NSF: variants seen among roughly 807,000 people sequenced by gnomAD.
The protein encoded by NSF is vesicle-fusing ATPase.
NSF carries 14 observed loss-of-function variants against 50.3 expected under a neutral mutation model. That is an observed-to-expected ratio of 0.28 (90% CI 0.18 to 0.44). The LOEUF is 0.44. Among genes scored for constraint, NSF ranks in the 20% least tolerant of loss-of-function variants. The pLI, the probability that NSF is intolerant of heterozygous loss-of-function variation, is 1.00. For synonymous variants in NSF, 109 were observed against 175.7 expected (o/e 0.62, Z 3.00); for missense variants, 218 against 504.3 (o/e 0.43, Z 5.44).
At chr17:46,631,066 A>ACACG (rs2058131177) in intron 4 of NSF, among the ~76,000 whole-genome samples, 1 of 143,086 alleles carries the variant, frequency 7.0e-6, no homozygotes, top group Non-Finnish European at 1.5e-5. Context: ...CTCTGTACAC[A>ACACG]CACACACACA....
intron 17 of NSF, among the ~76,000 whole-genome samples, chr17:46,734,915 G>A (rs1035662743): frequency 6.6e-6 from 1 of 152,112 alleles, no homozygotes; most frequent in African/African-American, 2.4e-5. Flanking sequence ...GTCGAATGTG[G>A]TGGTGAGCAT....
intron 13 of NSF, among the ~76,000 whole-genome samples, chr17:46,707,864 T>G (rs2058671752): frequency 6.6e-6 from 1 of 151,934 alleles, no homozygotes; most frequent in Non-Finnish European, 1.5e-5. Flanking sequence ...AAACCCCATC[T>G]CTACTAAAAA....
intron 1 of NSF, among the ~76,000 whole-genome samples, chr17:46,609,541 C>G (rs1204423383): frequency 6.7e-6 from 1 of 149,938 alleles, no homozygotes; most frequent in Non-Finnish European, 1.5e-5. Context: ...GTTTTTGATT[C>G]AATTATTTGT....
intron 17 of NSF, among the ~76,000 whole-genome samples, chr17:46,737,908 ATATTATTATTATTATTATTATTATTAT>A (rs138655503): frequency 3.4e-5 from 5 of 145,906 alleles, no homozygotes; most frequent in Admixed American, 2.8e-4. Flanking sequence ...TAAAATTAGC[ATATTATTATTATTATTATTATTATTAT>A]TATTATTATT....
intron 9 of NSF, among the ~76,000 whole-genome samples, chr17:46,691,839 G>C (rs2058550221): frequency 6.6e-6 from 1 of 151,204 alleles, no homozygotes; most frequent in Non-Finnish European, 1.5e-5. Flanking sequence ...TGCAACCTCT[G>C]CCTCCTGGGT....
intron 15 of NSF, among the ~76,000 whole-genome samples, chr17:46,725,382 G>C (rs1218929331): frequency 1.3e-5 from 2 of 152,112 alleles, no homozygotes; most frequent in Non-Finnish European, 2.9e-5. Flanking sequence ...GGTAATTAGG[G>C]GGTAAAGGGA....
intron 13 of NSF, among the ~76,000 whole-genome samples, chr17:46,708,918 G>T (rs2058689869): frequency 6.8e-6 from 1 of 146,698 alleles, no homozygotes; most frequent in Admixed American, 6.8e-5. Context: ...TCCGCCTCCT[G>T]GGTTCAAGTG....
chr17:46,742,484 A>G (rs1191347056), intron 17 of NSF, among the ~76,000 whole-genome samples: 1 of 152,262 alleles, frequency 6.6e-6, no homozygotes, highest in Non-Finnish European at 1.5e-5. Flanking sequence ...GTCCTGATGA[A>G]GGAGAACTAG....
At chr17:46,662,570 AC>A (rs1198746023) in intron 8 of NSF, among the ~76,000 whole-genome samples, 2 of 114,216 alleles carry the variant, frequency 1.8e-5, no homozygotes, top group East Asian at 4.2e-4. Context: ...ATCTTCTCCT[AC>A]AAGCTCTGGT....
intron 12 of NSF, among the ~76,000 whole-genome samples, chr17:46,695,213 T>C (rs2058584126): frequency 7.5e-6 from 1 of 133,038 alleles, no homozygotes; most frequent in South Asian, 2.7e-4. Context: ...GCCACTGCAC[T>C]CCAGCCTGGG....
In NSF at chr17:46,749,820, T is replaced by C. The variant is rs1408679106; in HGVS notation, c.1956T>C (p.Leu652=). The change falls in exon 18 of 21, where the codon CTT becomes CTC. Residue 652 remains leucine (L), a synonymous_variant. Transcript: ENST00000398238. ...IIGTTSRKDV[L]QEMEMLNAFS... is the part of the protein sequence containing the mutation. ...GGACCACTAGCCGCAAAGATGTCCT[T>C]CAGGAGATGGAAATGCTTAACGCTT... 1 of 1,614,134 alleles carries C rather than the reference T, an allele frequency of 6.2e-7. No homozygotes were observed. The highest frequency in any genetic ancestry group is 8.5e-7 in the Non-Finnish European group (1 of 1,179,994).
chr17:46,746,988 G>C (rs1226156174), intron 17 of NSF, among the ~76,000 whole-genome samples: 1 of 152,168 alleles, frequency 6.6e-6, no homozygotes, highest in African/African-American at 2.4e-5. Context: ...TGGCAACGAG[G>C]CTTTATAGTC....
chr17:46,723,859 G>A lies in NSF; in HGVS notation c.1762-2690G>A, dbSNP rs779500197. Among the ~76,000 whole-genome samples the A allele has an allele frequency of 6.6e-5, 10 of 152,222 alleles. No homozygotes were observed. In the South Asian group the frequency reaches 8.3e-4, roughly 13 times the overall value. ...CTCTAATGCTTTTCTATACAATCAGGAAAATGTTTCTAAAACATAAGCCTG... is the reference window on the plus strand; with the variant it reads ...CTCTAATGCTTTTCTATACAATCAGAAAAATGTTTCTAAAACATAAGCCTG... On this transcript the variant is annotated intron_variant, in intron 15 of 20. Transcript: ENST00000398238.
chr17:46,715,629 G>A (rs2058760810), intron 15 of NSF, among the ~76,000 whole-genome samples: 1 of 152,152 alleles, frequency 6.6e-6, no homozygotes, highest in South Asian at 2.1e-4. Flanking sequence ...TTTTTAAAAA[G>A]TACTTCAGGC....
intron 17 of NSF, among the ~76,000 whole-genome samples, chr17:46,735,527 A>G (rs941082422): frequency 2.6e-5 from 4 of 151,824 alleles, no homozygotes; most frequent in Non-Finnish European, 5.9e-5. Context: ...ATAGCCTTGA[A>G]CGTCCCTTAA....
intron 17 of NSF, among the ~76,000 whole-genome samples, chr17:46,729,790 T>C (rs907804146): frequency 3.9e-5 from 6 of 152,216 alleles, no homozygotes; most frequent in African/African-American, 1.4e-4. Context: ...TAATTTTTAA[T>C]TTAACAGTTA....
intron 17 of NSF, among the ~76,000 whole-genome samples, chr17:46,736,757 T>A (rs1020812859): frequency 6.6e-6 from 1 of 152,244 alleles, no homozygotes; most frequent in African/African-American, 2.4e-5. Context: ...AGCTTGTCTA[T>A]GTATAATATA....
intron 15 of NSF, among the ~76,000 whole-genome samples, chr17:46,720,143 G>T (rs1035072568): frequency 6.6e-6 from 1 of 152,194 alleles, no homozygotes; most frequent in Non-Finnish European, 1.5e-5. Flanking sequence ...CTAAGCAACA[G>T]AATTTGGATG....
chr17:46,756,137 C>A lies in NSF; in HGVS notation c.*314C>A, dbSNP rs560605875. The A allele has an allele frequency of 1.1e-5, 3 of 266,536 alleles. No individual in the cohort carries two copies. The highest frequency in any genetic ancestry group is 6.6e-5 in the African/African-American group (3 of 45,338). The allele number at this position is 266,536 out of a possible 1,614,324, so 16.5% of individuals were successfully genotyped here. A position where few individuals can be genotyped will look rare whatever the true frequency, so the allele number is the denominator to read the frequency against. ...ACTTGTGGACACTACACGTTTCAAC[C>A]TCTCTACTAGCACCATCACCCTTGA... is the stretch of plus-strand genomic sequence containing the variant. On this transcript the variant is annotated 3_prime_UTR_variant, in exon 21 of 21. Transcript: ENST00000398238.
Sources: gnomAD v4.1 joint callset for allele counts (sites outside exome capture counted in the v4.1 genomes callset) on GRCh38, gnomAD v4.1.1 for gene constraint, MANE v1.5 for transcripts, NCBI Gene and HGNC (gene_info 2026-07-23, HGNC 2026-07-21) for gene names.